The following TRHDE variants were observed in gnomAD, a reference collection of about 807,000 sequenced individuals.
TRHDE encodes thyrotropin releasing hormone degrading enzyme.
Under a neutral mutation model 125.7 loss-of-function variants are expected in TRHDE, and 72 were observed. That is an observed-to-expected ratio of 0.57 (90% CI 0.47 to 0.70). The LOEUF is 0.70. Among genes scored for constraint, TRHDE ranks in the 30% least tolerant of loss-of-function variants. The pLI, the probability that TRHDE is intolerant of heterozygous loss-of-function variation, is 0.00. For synonymous variants in TRHDE, 509 were observed against 509.1 expected (o/e 1.00, Z 0.00); for missense variants, 1,110 against 1,327.1 (o/e 0.84, Z 2.54).
chr12:72,581,830 C>T (rs1871242302), intron 12 of TRHDE, among the ~76,000 whole-genome samples: 1 of 151,474 alleles, frequency 6.6e-6, no homozygotes, highest in Middle Eastern at 3.2e-3. Flanking sequence ...GCACCGGGCG[C>T]AGTGGCTCAC....
chr12:72,437,891 T>C (rs1357000923), intron 3 of TRHDE, among the ~76,000 whole-genome samples: 4 of 151,832 alleles, frequency 2.6e-5, no homozygotes, highest in Non-Finnish European at 5.9e-5. Flanking sequence ...TCTATCCAAA[T>C]GAAATTTTGT....
intron 1 of TRHDE, among the ~76,000 whole-genome samples, chr12:72,282,574 T>A (rs1879736071): frequency 1.3e-5 from 2 of 152,122 alleles, no homozygotes; most frequent in Non-Finnish European, 2.9e-5. Flanking sequence ...AGTATCAAGG[T>A]TGAAAAAGAT....
At chr12:72,235,172 A>G (rs1878316668) in intron 2 of TRHDE, among the ~76,000 whole-genome samples, 1 of 152,194 alleles carries the variant, frequency 6.6e-6, no homozygotes, top group African/African-American at 2.4e-5. Context: ...ACCCTCTGGC[A>G]GAAGCGACAA....
chr12:72,459,419 A>G (rs1876019872), intron 3 of TRHDE, among the ~76,000 whole-genome samples: 1 of 152,166 alleles, frequency 6.6e-6, no homozygotes, highest in Admixed American at 6.5e-5. Context: ...AACACTTGCT[A>G]GGTACTGTTC....
intron 3 of TRHDE, among the ~76,000 whole-genome samples, chr12:72,440,257 T>C (rs1874938932): frequency 6.6e-6 from 1 of 151,820 alleles, no homozygotes; most frequent in Admixed American, 6.6e-5. Flanking sequence ...TTGGTATCAG[T>C]GCTATGCTCT....
chr12:72,575,633 G>A (rs1870957847), intron 12 of TRHDE, 91 bp downstream of exon 12: 3 of 1,208,360 alleles, frequency 2.5e-6, no homozygotes, highest in South Asian at 1.3e-5. Context: ...CTTTTATTTA[G>A]GACATTTAAA....
intron 2 of TRHDE, among the ~76,000 whole-genome samples, chr12:72,348,768 G>A (rs1243296617): frequency 6.6e-6 from 1 of 152,024 alleles, no homozygotes; most frequent in Non-Finnish European, 1.5e-5. Flanking sequence ...CCAGAAATAT[G>A]TTGGTACTTT....
At chr12:72,514,967 T>C (rs1878775208) in intron 6 of TRHDE, among the ~76,000 whole-genome samples, 2 of 150,190 alleles carry the variant, frequency 1.3e-5, no homozygotes, top group African/African-American at 4.9e-5. Flanking sequence ...GGACATGAAC[T>C]CATCATTTTC....
At chr12:72,389,049 T>C (rs1167072301) in intron 3 of TRHDE, among the ~76,000 whole-genome samples, 1 of 152,048 alleles carries the variant, frequency 6.6e-6, no homozygotes, top group Admixed American at 6.6e-5. Flanking sequence ...TCATTGGACT[T>C]TTAATACGGG....
chr12:72,663,061 T>C lies in TRHDE; in HGVS notation c.3076T>C (p.Phe1026Leu), dbSNP rs1874977875. The C allele has an allele frequency of 1.2e-6, 2 of 1,609,474 alleles. No individual in the cohort carries two copies. Among genetic ancestry groups the C allele is most frequent in the Non-Finnish European group, 1.7e-6 (2 of 1,178,070 alleles). ...AAATTTCTCTTTCCAGCTCAAGAAC[T>C]TCATGAAAAACTATGATGGGGTAGC... is the stretch of plus-strand genomic sequence containing the variant. Reference protein sequence around the residue: ...TEGELKELKNFMKNYDGVAAA... With the variant: ...TEGELKELKNLMKNYDGVAAA... The change falls in exon 19 of 19, where the codon TTC becomes CTC. Residue 1026 changes from phenylalanine (F) to leucine (L), a missense_variant. Physicochemically the swap from Phe to Leu is conservative, Grantham distance 22. Transcript: ENST00000261180.
chr12:72,455,569 A>G (rs1875803975), intron 3 of TRHDE, among the ~76,000 whole-genome samples: 1 of 152,096 alleles, frequency 6.6e-6, no homozygotes, highest in Non-Finnish European at 1.5e-5. Flanking sequence ...GGATGGATTT[A>G]TGTTTCCAGT....
chr12:72,341,274 C>T (rs1184714293), intron 2 of TRHDE, among the ~76,000 whole-genome samples: 1 of 151,860 alleles, frequency 6.6e-6, no homozygotes, highest in African/African-American at 2.4e-5. Context: ...CTAATGCTAT[C>T]CGTCCCCCAG....
chr12:72,238,292 A>G (rs1335000810), intron 2 of TRHDE, among the ~76,000 whole-genome samples: 1 of 29,658 alleles, frequency 3.4e-5, no homozygotes, highest in African/African-American at 1.1e-4. Flanking sequence ...ATATATATAT[A>G]TATATATATA....
chr12:72,162,624 A>G (rs1876659920), intron 2 of TRHDE, among the ~76,000 whole-genome samples: 1 of 152,178 alleles, frequency 6.6e-6, no homozygotes, highest in South Asian at 2.1e-4. Flanking sequence ...TGAATTCCCT[A>G]CATAAAACTC....
intron 1 of TRHDE, among the ~76,000 whole-genome samples, chr12:72,275,334 C>T (rs1318757124): frequency 1.3e-5 from 2 of 152,020 alleles, no homozygotes; most frequent in Admixed American, 1.3e-4. Context: ...AATAAAATGC[C>T]CAATGCTTTA....
chr12:72,218,050 C>A (rs1466114074), intron 2 of TRHDE, among the ~76,000 whole-genome samples: 2 of 152,036 alleles, frequency 1.3e-5, no homozygotes. Context: ...ATTTTACTTT[C>A]ATTCATGGTC....
intron 2 of TRHDE, among the ~76,000 whole-genome samples, chr12:72,111,027 T>G (rs1875303503): frequency 6.6e-6 from 1 of 152,134 alleles, no homozygotes; most frequent in Admixed American, 6.6e-5. Flanking sequence ...CAGCAGAGGG[T>G]AATTGACCAA....
At chr12:72,433,217 T>C (rs1231843254) in intron 3 of TRHDE, among the ~76,000 whole-genome samples, 2 of 152,070 alleles carry the variant, frequency 1.3e-5, no homozygotes, top group Non-Finnish European at 2.9e-5. Context: ...TTGATGATGA[T>C]TTTTTTTGTC....
At chr12:72,314,955 C>T (rs2135703673) in intron 2 of TRHDE, among the ~76,000 whole-genome samples, 1 of 152,182 alleles carries the variant, frequency 6.6e-6, no homozygotes, top group Middle Eastern at 3.4e-3. Context: ...CCACAAATAC[C>T]TTTTAATATA....
Sources: allele counts gnomAD v4.1 joint callset (sites outside exome capture counted in the v4.1 genomes callset), GRCh38; gene constraint gnomAD v4.1.1; transcripts MANE v1.5; gene names NCBI Gene and HGNC (gene_info 2026-07-23, HGNC 2026-07-21).